PPARGC1B: variants seen among roughly 807,000 people sequenced by gnomAD.
PPARGC1B encodes the protein peroxisome proliferator-activated receptor gamma coactivator 1-beta.
PPARGC1B carries 34 observed loss-of-function variants against 101.6 expected under a neutral mutation model. The observed-to-expected ratio is 0.33, with a 90% CI of 0.25 to 0.45. PPARGC1B has a LOEUF of 0.45. PPARGC1B is among the 20% of genes least tolerant of loss of function. The pLI is 1.00. For missense variants in PPARGC1B, 1,234 were observed against 1,317.6 expected (o/e 0.94, Z 0.98); for synonymous variants, 548 against 539.3 (o/e 1.02, Z -0.22).
At chr5:149,819,472 GTT>G in intron 1 of PPARGC1B, among the ~76,000 whole-genome samples, 1 of 69,516 alleles carries the variant, frequency 1.4e-5, no homozygotes, top group Non-Finnish European at 2.8e-5. Flanking sequence ...TGATATGGGT[GTT>G]TGTTTGTTTG....
intron 1 of PPARGC1B, among the ~76,000 whole-genome samples, chr5:149,782,171 G>A (rs944570998): frequency 1.3e-5 from 2 of 152,126 alleles, no homozygotes; most frequent in African/African-American, 4.8e-5. Flanking sequence ...GCAAAGGCTC[G>A]AGTTGTGGGC....
chr5:149,796,673 T>C (rs1757228046), intron 1 of PPARGC1B, among the ~76,000 whole-genome samples: 1 of 151,970 alleles, frequency 6.6e-6, no homozygotes, highest in Non-Finnish European at 1.5e-5. Context: ...GAGAATGGTA[T>C]TTTGGAGAGA....
At chr5:149,736,429 A>G (rs1186116369) in intron 1 of PPARGC1B, among the ~76,000 whole-genome samples, 2 of 152,126 alleles carry the variant, frequency 1.3e-5, no homozygotes, top group African/African-American at 2.4e-5. Context: ...AGGGTACCCA[A>G]ATAAAGTCAT....
chr5:149,750,997 A>T (rs1217818929), intron 1 of PPARGC1B, among the ~76,000 whole-genome samples: 1 of 96,080 alleles, frequency 1.0e-5, no homozygotes, highest in Non-Finnish European at 2.4e-5. Flanking sequence ...TTCAAAACTT[A>T]AATGTTTTAC....
intron 10 of PPARGC1B, 123 bp from the exon 11 acceptor site, chr5:149,845,637 A>T: frequency 1.0e-6 from 1 of 988,998 alleles, no homozygotes; most frequent in Non-Finnish European, 1.5e-6. Context: ...ATCTCTATCT[A>T]GGGGGCCACG....
intron 1 of PPARGC1B, among the ~76,000 whole-genome samples, chr5:149,751,334 A>G (rs572264502): frequency 1.3e-5 from 2 of 152,132 alleles, no homozygotes; most frequent in South Asian, 4.2e-4. Flanking sequence ...TATAAATTGT[A>G]TTTTTTCTTG....
In PPARGC1B at chr5:149,730,515, C is replaced by A; in HGVS notation, c.78+95C>A. ...GGAGGCCGGGAGGCAGCGGTGGGAG[C>A]CCTGGGGTAACTGGGGGTTCCAGGC... is the stretch of plus-strand genomic sequence containing the variant. On this transcript the variant is annotated intron_variant, in intron 1 of 11. Coordinates refer to ENST00000309241, the MANE Select transcript of PPARGC1B (RefSeq NM_133263.4). This position sits in a 1 kb window ranked among gnomAD's most constrained non-coding sequence, Gnocchi z 4.0. The A allele has an allele frequency of 1.9e-6, 2 of 1,032,768 alleles. No homozygotes were observed. The highest frequency in any genetic ancestry group is 2.7e-6 in the Non-Finnish European group (2 of 734,656). 64.0% of individuals were successfully genotyped at this position (1,032,768 alleles called of 1,614,324 possible). A position where few individuals can be genotyped will look rare whatever the true frequency, so the allele number is the denominator to read the frequency against.
intron 1 of PPARGC1B, among the ~76,000 whole-genome samples, chr5:149,808,418 T>C (rs1757679546): frequency 6.6e-6 from 1 of 151,998 alleles, no homozygotes; most frequent in Non-Finnish European, 1.5e-5. Flanking sequence ...TGCAGTCTAT[T>C]TTTGTGCCTG....
intron 1 of PPARGC1B, among the ~76,000 whole-genome samples, chr5:149,750,839 C>T (rs552049352): frequency 1.3e-5 from 2 of 152,336 alleles, no homozygotes; most frequent in South Asian, 2.1e-4. Flanking sequence ...TCCAAGTACG[C>T]ACGATGGGTG....
Position 149,833,729 on chromosome 5 carries a change from G to A in PPARGC1B, c.1656G>A (p.Gly552=), listed in dbSNP as rs756745180. 6.3e-7 allele frequency: 1 copy of A among 1,589,270 alleles called. No individual in the cohort carries two copies. Among genetic ancestry groups the A allele is most frequent in the Non-Finnish European group, 8.5e-7 (1 of 1,170,884 alleles). ...CCCTGGAGAGCCCCTGTGAGAGTGG[G>A]TGTGGGGACATGGATGAGGACCCCA... The part of the protein sequence containing the change: ...IPALESPCES[G]CGDMDEDPSC... Residue 552 remains glycine, a synonymous_variant, in exon 5 of 12, where the codon GGG becomes GGA. Transcript: ENST00000309241. The surrounding 1 kb of genome is among the most constrained non-coding windows in gnomAD (Gnocchi z 4.1).
intron 2 of PPARGC1B, 147 bp downstream of exon 2, chr5:149,820,753 G>A (rs537370044): frequency 7.0e-5 from 55 of 789,944 alleles, no homozygotes; most frequent in East Asian, 2.4e-4. Context: ...CCGGTTTCTC[G>A]TGCTGGATGG....
chr5:149,802,480 G>A (rs1440341612), intron 1 of PPARGC1B, among the ~76,000 whole-genome samples: 4 of 151,858 alleles, frequency 2.6e-5, no homozygotes, highest in Admixed American at 6.6e-5. Context: ...GGCCCCATGG[G>A]GGTCTTTTCC....
chr5:149,766,956 C>A (rs773719969), intron 1 of PPARGC1B, among the ~76,000 whole-genome samples: 1 of 152,164 alleles, frequency 6.6e-6, no homozygotes, highest in Non-Finnish European at 1.5e-5. Context: ...GGAAACAGAA[C>A]CAGCATGTTC....
downstream of PPARGC1B, among the ~76,000 whole-genome samples, chr5:149,856,216 CATACAT>C (rs1759946672): frequency 6.6e-6 from 1 of 152,236 alleles, no homozygotes; most frequent in African/African-American, 2.4e-5. Context: ...CATACAAACT[CATACAT>C]ATATTCTCCT....
intron 2 of PPARGC1B, among the ~76,000 whole-genome samples, chr5:149,824,546 C>T (rs1349164302): frequency 1.3e-5 from 2 of 152,154 alleles, no homozygotes; most frequent in African/African-American, 4.8e-5. Flanking sequence ...GGGAAAGGAG[C>T]AAGGCATAGA....
intron 9 of PPARGC1B, among the ~76,000 whole-genome samples, chr5:149,841,159 A>T (rs534098362): frequency 6.6e-6 from 1 of 152,238 alleles, no homozygotes; most frequent in Admixed American, 6.5e-5. Context: ...GCAATTAGTA[A>T]CAATCTAAAG....
At chr5:149,773,720 C>T (rs980099765) in intron 1 of PPARGC1B, among the ~76,000 whole-genome samples, 2 of 152,110 alleles carry the variant, frequency 1.3e-5, no homozygotes, top group Non-Finnish European at 2.9e-5. Flanking sequence ...GAGATGGGGC[C>T]GGCAGGGTGG....
chr5:149,740,271 C>T (rs373270210), intron 1 of PPARGC1B: 4 of 152,086 alleles, frequency 2.6e-5, no homozygotes, highest in African/African-American at 7.2e-5. Context: ...GAAATGGGGA[C>T]GATAGTAGCA....
Position 149,766,917 on chromosome 5 carries a change from C to A in PPARGC1B, c.78+36497C>A, listed in dbSNP as rs149188111. On this transcript the variant is annotated intron_variant, in intron 1 of 11. Transcript: ENST00000309241. ...TTGAGAACCTGCATCTGGAACCAGCCCAGAGGGGTGGTAGCAGGGCTATGA... is the reference window on the plus strand; with the variant it reads ...TTGAGAACCTGCATCTGGAACCAGCACAGAGGGGTGGTAGCAGGGCTATGA... Among the ~76,000 whole-genome samples, 65 of 152,230 alleles carry A rather than the reference C, an allele frequency of 4.3e-4. No individual in the cohort carries two copies. The East Asian group carries it at 9.5e-3, about 22-fold the overall frequency.
Sources: allele counts gnomAD v4.1 joint callset (sites outside exome capture counted in the v4.1 genomes callset), GRCh38; gene constraint gnomAD v4.1.1; non-coding constraint Gnocchi (gnomAD v3.1); transcripts MANE v1.5; gene names NCBI Gene and HGNC (gene_info 2026-07-23, HGNC 2026-07-21).